Variants in CDH18 observed in about 807,000 individuals in gnomAD.
The protein encoded by CDH18 is cadherin 18, also known as cadherin-18.
Under a neutral mutation model 67.9 loss-of-function variants are expected in CDH18, and 31 were observed. The ratio of observed to expected loss-of-function variants is 0.46; its 90% CI spans 0.34 to 0.62. The LOEUF is 0.62. Among genes scored for constraint, CDH18 ranks in the 20% least tolerant of loss-of-function variants. CDH18 has a pLI of 0.01. For synonymous variants in CDH18, 362 were observed against 347.2 expected (o/e 1.04, Z -0.48); for missense variants, 890 against 975.5 (o/e 0.91, Z 1.17).
chr5:20,120,483 G>A (rs1748268280), intron 2 of CDH18, among the ~76,000 whole-genome samples: 1 of 152,094 alleles, frequency 6.6e-6, no homozygotes, highest in Non-Finnish European at 1.5e-5. Context: ...GGTCTCAAAA[G>A]TTAAGGCTGA....
At chr5:20,297,543 G>A (rs1747638292) in intron 1 of CDH18, among the ~76,000 whole-genome samples, 1 of 152,098 alleles carries the variant, frequency 6.6e-6, no homozygotes, top group Non-Finnish European at 1.5e-5. Context: ...TCCAAAATAT[G>A]AAAAAAGGCA....
At chr5:19,868,409 T>C (rs1216807087) in intron 2 of CDH18, among the ~76,000 whole-genome samples, 4 of 152,110 alleles carry the variant, frequency 2.6e-5, no homozygotes, top group Non-Finnish European at 5.9e-5. Context: ...AGATATACTA[T>C]AAAAATCTGT....
chr5:20,542,238 A>C (rs1301893264), intron 1 of CDH18, among the ~76,000 whole-genome samples: 1 of 151,248 alleles, frequency 6.6e-6, no homozygotes, highest in Non-Finnish European at 1.5e-5. Flanking sequence ...GTAAGTGTTA[A>C]ATAACATCAA....
intron 2 of CDH18, among the ~76,000 whole-genome samples, chr5:19,847,875 G>A (rs1348800661): frequency 1.3e-5 from 2 of 151,884 alleles, no homozygotes; most frequent in East Asian, 3.9e-4. Context: ...GCTCTTTCTG[G>A]TGTCTATATG....
intron 2 of CDH18, among the ~76,000 whole-genome samples, chr5:19,870,171 T>A (rs1204509074): frequency 3.3e-5 from 5 of 152,130 alleles, no homozygotes; most frequent in Admixed American, 1.3e-4. Flanking sequence ...ACAACCAATA[T>A]ATTCCATGTC....
intron 2 of CDH18, among the ~76,000 whole-genome samples, chr5:20,007,899 A>C (rs1185522637): frequency 6.6e-6 from 1 of 152,136 alleles, no homozygotes; most frequent in East Asian, 1.9e-4. Flanking sequence ...ACTTGATTAT[A>C]GTCTGCGGCT....
At chr5:20,129,197 A>G (rs1749065459) in intron 2 of CDH18, among the ~76,000 whole-genome samples, 1 of 152,004 alleles carries the variant, frequency 6.6e-6, no homozygotes, top group Admixed American at 6.6e-5. Context: ...AACTAGCTAT[A>G]GTTTCAAGAA....
At chr5:19,575,068 T>C (rs1742102000) in intron 7 of CDH18, among the ~76,000 whole-genome samples, 1 of 151,938 alleles carries the variant, frequency 6.6e-6, no homozygotes, top group Non-Finnish European at 1.5e-5. Flanking sequence ...ACAAACCATA[T>C]CACTGATGCT....
At chr5:19,956,310 T>C (rs1796252068) in intron 2 of CDH18, among the ~76,000 whole-genome samples, 1 of 152,026 alleles carries the variant, frequency 6.6e-6, no homozygotes, top group Non-Finnish European at 1.5e-5. Context: ...AGTATATATG[T>C]TCAATTTTAA....
At chr5:19,982,041 T>C (rs1338660330) in intron 1 of CDH18, among the ~76,000 whole-genome samples, 1 of 152,222 alleles carries the variant, frequency 6.6e-6, no homozygotes, top group Non-Finnish European at 1.5e-5. Context: ...TAATTTACTA[T>C]ATAACAGGAA....
chr5:20,172,907 T>A (rs1447458828), intron 2 of CDH18, among the ~76,000 whole-genome samples: 5 of 151,734 alleles, frequency 3.3e-5, no homozygotes, highest in Admixed American at 3.3e-4. Flanking sequence ...GGAGAAACGT[T>A]TGAACCCGAG....
intron 2 of CDH18, among the ~76,000 whole-genome samples, chr5:19,966,649 T>C (rs926570413): frequency 2.0e-5 from 3 of 152,086 alleles, no homozygotes; most frequent in Non-Finnish European, 2.9e-5. Context: ...ATTTTACTGA[T>C]GGAAATCAGC....
At chr5:19,480,426 G>C (rs974597009) in intron 12 of CDH18, among the ~76,000 whole-genome samples, 6 of 150,354 alleles carry the variant, frequency 4.0e-5, no homozygotes, top group Non-Finnish European at 5.9e-5. Flanking sequence ...ATCCAGGCTG[G>C]AGTGCAGTGG....
intron 2 of CDH18, among the ~76,000 whole-genome samples, chr5:20,205,327 C>T (rs944432599): frequency 6.6e-6 from 1 of 151,842 alleles, no homozygotes; most frequent in Non-Finnish European, 1.5e-5. Flanking sequence ...CAGCAAGAGG[C>T]TACATCAATT....
intron 10 of CDH18, among the ~76,000 whole-genome samples, chr5:19,520,070 C>T (rs949902710): frequency 2.6e-5 from 4 of 152,122 alleles, no homozygotes; most frequent in African/African-American, 7.2e-5. Context: ...CCCTTTCAGT[C>T]TCCTACTTGC....
chr5:20,433,054 G>T (rs1748886718), intron 1 of CDH18, among the ~76,000 whole-genome samples: 1 of 149,824 alleles, frequency 6.7e-6, no homozygotes, highest in Non-Finnish European at 1.5e-5. Flanking sequence ...ATTGTATAAT[G>T]CCTAAAACAC....
chr5:20,268,515 C>T (rs532773837), intron 1 of CDH18, among the ~76,000 whole-genome samples: 95 of 152,172 alleles, frequency 6.2e-4, no homozygotes, highest in African/African-American at 2.1e-3. Context: ...ATAGGAGGAC[C>T]GCTTGAGCCC....
chr5:20,284,064 T>A (rs1746494199), intron 1 of CDH18, among the ~76,000 whole-genome samples: 1 of 151,884 alleles, frequency 6.6e-6, no homozygotes. Flanking sequence ...ATTGAACTCC[T>A]GGAGATGGAG....
Position 19,612,496 on chromosome 5 carries a change from C to A in CDH18, c.749G>T (p.Gly250Val). ...DMAGQVGGLS[G>V]STTVNITLTD... ...TAAGGTGATGTTGACTGTTGTAGATCCTGAAAGCCCTCCAACTTGCCCAGC... is the reference window on the plus strand; with the variant it reads ...TAAGGTGATGTTGACTGTTGTAGATACTGAAAGCCCTCCAACTTGCCCAGC... The change falls in exon 6 of 13, where the codon GGA becomes GTA. Residue 250 changes from glycine (G) to valine (V), a missense_variant. Coordinates refer to ENST00000382275, the MANE Select transcript of CDH18 (RefSeq NM_004934.5). The A allele has an allele frequency of 6.2e-7, 1 of 1,614,004 alleles. No homozygotes were observed. Among genetic ancestry groups the A allele is most frequent in the Non-Finnish European group, 8.5e-7 (1 of 1,180,000 alleles).
Sources: gnomAD v4.1 joint callset for allele counts (sites outside exome capture counted in the v4.1 genomes callset) on GRCh38, gnomAD v4.1.1 for gene constraint, MANE v1.5 for transcripts, NCBI Gene and HGNC (gene_info 2026-07-23, HGNC 2026-07-21) for gene names.